Variants in FGF13 observed in about 807,000 individuals in gnomAD.
FGF13 encodes fibroblast growth factor homologous factor 2.
Under a neutral mutation model 19.5 loss-of-function variants are expected in FGF13, and 2 were observed. That is an observed-to-expected ratio of 0.10 (90% CI 0.04 to 0.32). The LOEUF is 0.32. Ranked by LOEUF, FGF13 falls within the 10% of genes least tolerant of loss-of-function variation. The pLI is 1.00. For synonymous variants in FGF13, 72 were observed against 76.9 expected (o/e 0.94, Z 0.33); for missense variants, 113 against 192.7 (o/e 0.59, Z 2.45).
chrX:138,967,714 A>T (rs1413141642), intron 1 of FGF13, among the ~76,000 whole-genome samples: 1 of 111,628 alleles, frequency 9.0e-6, no homozygotes, highest in Non-Finnish European at 1.9e-5. Context: ...TTCAGAATCT[A>T]TCCCTTGGTA....
At chrX:139,167,325 T>C (rs1203233916) in intron 1 of FGF13, among the ~76,000 whole-genome samples, 2 of 111,505 alleles carry the variant, frequency 1.8e-5, no homozygotes, top group Non-Finnish European at 3.8e-5. Flanking sequence ...AAATGACAGG[T>C]TTAATTTAAT....
intron 1 of FGF13, among the ~76,000 whole-genome samples, chrX:139,023,916 ATATTTTACAATGCAT>A (rs1266621101): frequency 1.8e-5 from 2 of 111,662 alleles, no homozygotes; most frequent in Non-Finnish European, 3.8e-5. Context: ...TATTTTTAAT[ATATTTTACAATGCAT>A]ATATCTTACT....
intron 3 of FGF13, among the ~76,000 whole-genome samples, chrX:138,770,407 G>T (rs1167293181): frequency 9.1e-6 from 1 of 110,427 alleles, no homozygotes. Context: ...GAATTTGCTG[G>T]TGCTGCGTCA....
chrX:138,858,034 G>A (rs920129747), intron 2 of FGF13, among the ~76,000 whole-genome samples: 3 of 111,869 alleles, frequency 2.7e-5, no homozygotes, highest in African/African-American at 9.8e-5. Flanking sequence ...GTATTCATAG[G>A]TTAAACTGGC....
At chrX:138,988,836 A>G (rs2092003588) in intron 1 of FGF13, among the ~76,000 whole-genome samples, 1 of 112,328 alleles carries the variant, frequency 8.9e-6, no homozygotes, top group African/African-American at 3.2e-5. Flanking sequence ...CATTCTGAGC[A>G]TGCTTGCTGG....
chrX:139,006,792 A>T (rs970942730), intron 1 of FGF13, among the ~76,000 whole-genome samples: 3 of 111,909 alleles, frequency 2.7e-5, no homozygotes, highest in African/African-American at 9.7e-5. Flanking sequence ...ATAATGGGTT[A>T]AAGACAGTAT....
At chrX:139,158,510 C>T (rs55913587) in intron 1 of FGF13, among the ~76,000 whole-genome samples, 13,105 of 110,661 alleles carry the variant, frequency 0.12, 1,301 homozygotes, top group African/African-American at 0.33. Flanking sequence ...TCAAACTGGG[C>T]GGAGCCAGGT....
At chrX:139,097,117 A>G (rs1027066602) in intron 1 of FGF13, among the ~76,000 whole-genome samples, 1 of 112,243 alleles carries the variant, frequency 8.9e-6, no homozygotes, top group African/African-American at 3.2e-5. Context: ...TGTATAGAAA[A>G]CAAAATAAAT....
chrX:139,115,566 T>C (rs1279937528), intron 1 of FGF13, among the ~76,000 whole-genome samples: 1 of 111,746 alleles, frequency 8.9e-6, no homozygotes, highest in African/African-American at 3.3e-5. Flanking sequence ...AGAAGGAGCC[T>C]GTGTCCTGAT....
chrX:139,051,507 G>A (rs1047831909), intron 1 of FGF13, among the ~76,000 whole-genome samples: 5 of 111,830 alleles, frequency 4.5e-5, no homozygotes, highest in Non-Finnish European at 5.6e-5. Context: ...GATTAAGGTC[G>A]CAGAGTCCCT....
At chrX:138,929,235 CTGTGTGTGTGTG>C (rs10622697) in intron 1 of FGF13, among the ~76,000 whole-genome samples, 1 of 97,789 alleles carries the variant, frequency 1.0e-5, no homozygotes, top group Non-Finnish European at 2.1e-5. Flanking sequence ...GAGGAAAACT[CTGTGTGTGTGTG>C]TGTGTGTGTG....
chrX:138,999,856 T>C (rs1377966795), intron 1 of FGF13, among the ~76,000 whole-genome samples: 1 of 111,770 alleles, frequency 8.9e-6, no homozygotes, highest in Non-Finnish European at 1.9e-5. Flanking sequence ...ATGATCCTGA[T>C]AACAAAACCT....
At chrX:138,858,000 G>C (rs1007184765) in intron 2 of FGF13, among the ~76,000 whole-genome samples, 7 of 111,983 alleles carry the variant, frequency 6.3e-5, no homozygotes, top group Non-Finnish European at 1.3e-4. Flanking sequence ...AGAACTTATA[G>C]GTTTCAGATT....
intron 2 of FGF13, among the ~76,000 whole-genome samples, chrX:138,862,873 C>G (rs141682425): frequency 7.8e-4 from 87 of 111,970 alleles, no homozygotes; most frequent in African/African-American, 2.6e-3. Context: ...CCAAGCATTA[C>G]TAGGTCTTCA....
At chrX:138,928,556 C>G (rs2091685315) in intron 1 of FGF13, among the ~76,000 whole-genome samples, 1 of 110,638 alleles carries the variant, frequency 9.0e-6, no homozygotes, top group Admixed American at 9.6e-5. Flanking sequence ...CCAGGGGTGC[C>G]CTCACATCCC....
Position 138,694,986 on chromosome X carries a change from AACACACACACACACACACACACACAC to A in FGF13, c.402+7972_402+7997del, listed in dbSNP as rs745359063. The stretch of plus-strand genomic sequence containing the variant: ...TCCCAGTGGATTATTTACTAGTTGA[AACACACACACACACACACACACACAC>A]ACACACACACACACACACACAAACC... On this transcript the variant is annotated intron_variant, in intron 3 of 4. Coordinates refer to ENST00000315930, the MANE Select transcript of FGF13 (RefSeq NM_004114.5). Among the ~76,000 whole-genome samples the A allele has an allele frequency of 9.4e-5, 8 of 84,763 alleles. No individual in the cohort carries two copies. The East Asian group carries it at 2.2e-3, about 24-fold the overall frequency. 73.6% of individuals were successfully genotyped at this position (84,763 alleles called of 115,157 possible).
At chrX:138,792,066 C>T (rs929599552) in intron 3 of FGF13, among the ~76,000 whole-genome samples, 4 of 111,714 alleles carry the variant, frequency 3.6e-5, no homozygotes, top group African/African-American at 1.3e-4. Flanking sequence ...GTGTTGCTAG[C>T]TTCTCACAAT....
In FGF13 at chrX:138,626,146, A is replaced by G. The variant is rs1047427203; in HGVS notation, c.*6704T>C. ...CATTTCAGAGATGCTCAAATAATAC[A>G]GGCCTAAGTGGCTCATAATGTTTTT... On this transcript the variant is annotated 3_prime_UTR_variant, in exon 5 of 5. Transcript: ENST00000315930. 1.8e-5 allele frequency: 2 copies of G among 112,255 alleles called. No individual in the cohort carries two copies. The highest frequency in any genetic ancestry group is 3.2e-5 in the African/African-American group (1 of 30,856). 9.3% of individuals were successfully genotyped at this position (112,255 alleles called of 1,213,427 possible). A position where few individuals can be genotyped will look rare whatever the true frequency, so the allele number is the denominator to read the frequency against.
chrX:138,617,392 G>A lies in FGF13; in HGVS notation c.*15458C>T, dbSNP rs2088978139. 8.9e-6 allele frequency: 1 copy of A among 111,902 alleles called. No homozygotes were observed. The highest frequency in any genetic ancestry group is 1.9e-5 in the Non-Finnish European group (1 of 53,176). The allele number at this position is 111,902 out of a possible 1,213,427, so 9.2% of individuals were successfully genotyped here. ...GGATATATTTTCATAATGAAATGTT[G>A]GGGGAAATACTTGGAAGTGAATATA... is the stretch of plus-strand genomic sequence containing the variant. On this transcript the variant is annotated 3_prime_UTR_variant, in exon 5 of 5. Coordinates refer to ENST00000315930, the MANE Select transcript of FGF13 (RefSeq NM_004114.5).
Sources: allele counts gnomAD v4.1 joint callset (sites outside exome capture counted in the v4.1 genomes callset), GRCh38; gene constraint gnomAD v4.1.1; transcripts MANE v1.5; gene names NCBI Gene and HGNC (gene_info 2026-07-23, HGNC 2026-07-21).